Variants in FAR1 observed in about 807,000 individuals in gnomAD.
FAR1 encodes fatty acyl-CoA reductase 1.
In FAR1, 22 loss-of-function variants were observed where a neutral mutation model predicts 61.1. The ratio of observed to expected loss-of-function variants is 0.36; its 90% CI spans 0.26 to 0.51. The LOEUF is 0.51. Among genes scored for constraint, FAR1 ranks in the 20% least tolerant of loss-of-function variants. FAR1 has a pLI of 0.95. For missense variants in FAR1, 359 were observed against 626.9 expected (o/e 0.57, Z 4.56); for synonymous variants, 206 against 209.7 (o/e 0.98, Z 0.15).
At position 13,729,681 on chromosome 11, in the gene FAR1, T is replaced by C. The variant is rs1848703285; in HGVS notation, c.*907T>C. On this transcript the variant is annotated 3_prime_UTR_variant, in exon 12 of 12. Coordinates refer to ENST00000354817, the MANE Select transcript of FAR1 (RefSeq NM_032228.6). ...GTTCTCCTCCCTTTATAAATTTTAT[T>C]CATAGGACTTTTAAAAGGCTTGTGC... The C allele has an allele frequency of 6.6e-6, 1 of 151,970 alleles. No homozygotes were observed. Among genetic ancestry groups the C allele is most frequent in the Non-Finnish European group, 1.5e-5 (1 of 67,862 alleles). 9.4% of individuals were successfully genotyped at this position (151,970 alleles called of 1,614,324 possible). A position where few individuals can be genotyped will look rare whatever the true frequency, so the allele number is the denominator to read the frequency against.
chr11:13,708,159 C>G (rs1417348547), intron 4 of FAR1, 80 bp downstream of exon 4: 5 of 969,996 alleles, frequency 5.2e-6, no homozygotes, highest in Non-Finnish European at 5.7e-6. Flanking sequence ...GTCAGGAGTT[C>G]AAGAGCAGCC....
intron 1 of FAR1, chr11:13,685,554 T>C (rs1848176735): frequency 4.6e-6 from 1 of 217,086 alleles, no homozygotes; most frequent in Admixed American, 4.1e-5. Flanking sequence ...GTACCTGATT[T>C]TATTACCAGT....
chr11:13,687,964 G>C (rs1306688385), intron 1 of FAR1, among the ~76,000 whole-genome samples: 3 of 121,456 alleles, frequency 2.5e-5, no homozygotes, highest in Non-Finnish European at 5.0e-5. Flanking sequence ...TGGGGGGAGG[G>C]GGGAGGGATA....
At chr11:13,704,063 AAGTG>A (rs1318397036) in intron 3 of FAR1, among the ~76,000 whole-genome samples, 8 of 151,396 alleles carry the variant, frequency 5.3e-5, no homozygotes, top group South Asian at 2.1e-4. Context: ...AAAAAAAAAA[AAGTG>A]AGAGGAGAAG....
intron 8 of FAR1, 69 bp from the exon 9 acceptor site, chr11:13,714,438 CAT>C (rs1848533005): frequency 7.0e-7 from 1 of 1,423,560 alleles, no homozygotes; most frequent in African/African-American, 1.5e-5. Flanking sequence ...ATTATAAAAA[CAT>C]GATTTTTTTT....
At chr11:13,700,551 TTTAA>T in intron 3 of FAR1, 59 bp downstream of exon 3, 3 of 1,101,310 alleles carry the variant, frequency 2.7e-6, no homozygotes, top group Non-Finnish European at 3.7e-6. Context: ...AAAATCTCAT[TTTAA>T]TTCTACTTTT....
At chr11:13,688,862 G>A (rs2134175719) in intron 1 of FAR1, among the ~76,000 whole-genome samples, 1 of 152,144 alleles carries the variant, frequency 6.6e-6, no homozygotes, top group East Asian at 1.9e-4. Flanking sequence ...GGTCTTCTGT[G>A]TTGCCCAGGC....
At position 13,730,624 on chromosome 11, in the gene FAR1, T is replaced by G. The variant is rs1848714543; in HGVS notation, c.*1850T>G. 1 of 152,118 alleles carries G rather than the reference T, an allele frequency of 6.6e-6. No individual in the cohort carries two copies. Among genetic ancestry groups the G allele is most frequent in the African/African-American group, 2.4e-5 (1 of 41,440 alleles). 9.4% of individuals were successfully genotyped at this position (152,118 alleles called of 1,614,324 possible). On this transcript the variant is annotated 3_prime_UTR_variant, in exon 12 of 12. Coordinates refer to ENST00000354817, the MANE Select transcript of FAR1 (RefSeq NM_032228.6). ...AAAACATGCTAACATTTGTATGATT[T>G]TTATACTTCTGCCGAATAGACTTAG...
At chr11:13,712,165 G>A (rs2134192539) in intron 7 of FAR1, 119 bp downstream of exon 7, 1 of 709,650 alleles carries the variant, frequency 1.4e-6, no homozygotes, top group Non-Finnish European at 2.4e-6. Context: ...TATTTAGGCT[G>A]TATCACTGCC....
chr11:13,720,998 T>C (rs962302155), intron 9 of FAR1: 1 of 152,160 alleles, frequency 6.6e-6, no homozygotes, highest in African/African-American at 2.4e-5. Context: ...CCTTGTACTT[T>C]TAAAAACAAA....
intron 9 of FAR1, among the ~76,000 whole-genome samples, chr11:13,716,749 A>AT (rs996057906): frequency 2.0e-5 from 3 of 151,848 alleles, no homozygotes; most frequent in African/African-American, 7.3e-5. Flanking sequence ...ATCTTCTTAA[A>AT]TTTTTTTTCA....
intron 9 of FAR1, among the ~76,000 whole-genome samples, chr11:13,716,305 G>A (rs1470717580): frequency 6.6e-6 from 1 of 152,140 alleles, no homozygotes; most frequent in Non-Finnish European, 1.5e-5. Context: ...TTTACTAAAT[G>A]CTTCAGAGGA....
At chr11:13,722,939 T>A (rs1342975093) in intron 10 of FAR1, among the ~76,000 whole-genome samples, 2 of 152,032 alleles carry the variant, frequency 1.3e-5, no homozygotes, top group African/African-American at 4.8e-5. Flanking sequence ...TGATCTTCTT[T>A]CTGCCTGAAA....
chr11:13,672,868 G>T lies in FAR1; in HGVS notation c.-8+4062G>T, dbSNP rs370109406. Among the ~76,000 whole-genome samples the T allele has an allele frequency of 2.0e-5, 3 of 152,256 alleles. No homozygotes were observed. The East Asian group carries it at 5.8e-4, about 29-fold the overall frequency. On this transcript the variant is annotated intron_variant, in intron 1 of 11. Transcript: ENST00000354817. ...TTTCCTGAACACTTGTTTTCTTAGAGTTTAATACATGAATTTAAGGTTTAA... is the reference window on the plus strand; with the variant it reads ...TTTCCTGAACACTTGTTTTCTTAGATTTTAATACATGAATTTAAGGTTTAA...
In FAR1 at chr11:13,708,080, G is replaced by A; in HGVS notation, c.545+1G>A. 1 of 1,567,652 alleles carries A rather than the reference G, an allele frequency of 6.4e-7. No homozygotes were observed. Among genetic ancestry groups the A allele is most frequent in the Non-Finnish European group, 8.6e-7 (1 of 1,158,428 alleles). ...CCAAGAAGCTGATTGATTCTTTAGA[G>A]TATGTTTGTTTGAAATTTATATACA... is the stretch of plus-strand genomic sequence containing the variant. On this transcript the variant is annotated splice_donor_variant, in intron 4 of 11. Coordinates refer to ENST00000354817, the MANE Select transcript of FAR1 (RefSeq NM_032228.6). LOFTEE classifies it high-confidence loss of function.
chr11:13,695,128 T>C (rs979050448), intron 2 of FAR1, among the ~76,000 whole-genome samples, 174 bp downstream of exon 2: 4 of 152,150 alleles, frequency 2.6e-5, no homozygotes, highest in Non-Finnish European at 4.4e-5. Flanking sequence ...GACTTGTGAA[T>C]CACAAGGAGA....
intron 1 of FAR1, among the ~76,000 whole-genome samples, 176 bp from the exon 2 acceptor site, chr11:13,694,583 T>A (rs1395999257): frequency 6.6e-6 from 1 of 152,226 alleles, no homozygotes; most frequent in Non-Finnish European, 1.5e-5. Context: ...GCTATAGTTC[T>A]CATTCTTCTT....
chr11:13,674,649 A>C lies in FAR1; in HGVS notation c.-8+5843A>C, dbSNP rs573654403. On this transcript the variant is annotated intron_variant, in intron 1 of 11. Coordinates refer to ENST00000354817, the MANE Select transcript of FAR1 (RefSeq NM_032228.6). ...GAGGATAAATTATTTTTGGTATCCTACATTTACCAGGACAGCATATCTTAG... is the reference window on the plus strand; with the variant it reads ...GAGGATAAATTATTTTTGGTATCCTCCATTTACCAGGACAGCATATCTTAG... 9.2e-5 allele frequency among the ~76,000 whole-genome samples: 14 copies of C among 152,334 alleles called. No homozygotes were observed. In the East Asian group the frequency reaches 2.5e-3, roughly 27 times the overall value.
In FAR1 at chr11:13,729,456, A is replaced by AT. The variant is rs1387026419; in HGVS notation, c.*683dup. 1.3e-5 allele frequency: 2 copies of AT among 152,014 alleles called. No homozygotes were observed. The highest frequency in any genetic ancestry group is 3.8e-4 in the East Asian group (2 of 5,200). The allele number at this position is 152,014 out of a possible 1,614,324, so 9.4% of individuals were successfully genotyped here. A position where few individuals can be genotyped will look rare whatever the true frequency, so the allele number is the denominator to read the frequency against. On this transcript the variant is annotated 3_prime_UTR_variant, in exon 12 of 12. Coordinates refer to ENST00000354817, the MANE Select transcript of FAR1 (RefSeq NM_032228.6). ...TCGATCTAAATGGGTTTGAGAATCC[A>AT]TATCAGCAACATACGTGTTTTTTGA...
Sources: gnomAD v4.1 joint callset for allele counts (sites outside exome capture counted in the v4.1 genomes callset) on GRCh38, gnomAD v4.1.1 for gene constraint, MANE v1.5 for transcripts, NCBI Gene and HGNC (gene_info 2026-07-23, HGNC 2026-07-21) for gene names.